NELL1: variants seen among roughly 807,000 people sequenced by gnomAD.
The protein encoded by NELL1 is neural EGFL like 1.
A neutral mutation model predicts 107.4 loss-of-function variants in NELL1; 76 were observed. The observed-to-expected ratio is 0.71, with a 90% CI of 0.59 to 0.86. The LOEUF (loss-of-function observed/expected upper bound fraction) is 0.86, where lower values mean the gene tolerates loss of function less well. Ranked by LOEUF, NELL1 falls within the 40% of genes least tolerant of loss-of-function variation. NELL1 has a pLI of 0.00. For synonymous variants in NELL1, 353 were observed against 341.2 expected (o/e 1.03, Z -0.38); for missense variants, 1,024 against 1,005.5 (o/e 1.02, Z -0.25).
intron 12 of NELL1, among the ~76,000 whole-genome samples, chr11:21,069,189 G>A (rs1479486499): frequency 6.6e-6 from 1 of 152,154 alleles, no homozygotes; most frequent in Non-Finnish European, 1.5e-5. Context: ...TTAATACCTT[G>A]GTGATGGGAT....
At chr11:20,844,508 C>T (rs1036449587) in intron 3 of NELL1, among the ~76,000 whole-genome samples, 3 of 152,170 alleles carry the variant, frequency 2.0e-5, no homozygotes, top group Non-Finnish European at 4.4e-5. Flanking sequence ...CCCAGAGACT[C>T]TTGAAAAGAC....
chr11:21,169,062 C>T (rs774688032), intron 13 of NELL1, among the ~76,000 whole-genome samples: 1 of 151,828 alleles, frequency 6.6e-6, no homozygotes, highest in African/African-American at 2.4e-5. Flanking sequence ...ATCAGAAACC[C>T]GGGATTGCCT....
rs564415818 is a variant in NELL1 at position 21,148,786 on chromosome 11, C to T, written c.1426+35072C>T. ...TGCCAAAATAGAAGACCTTGAGTTT[C>T]TGAGTTGTAGCAGAAAGGTTTTCTT... On this transcript the variant is annotated intron_variant, in intron 13 of 19. Transcript: ENST00000357134. Among the ~76,000 whole-genome samples the T allele has an allele frequency of 1.4e-4, 22 of 152,258 alleles. No individual in the cohort carries two copies. In the East Asian group the frequency reaches 3.1e-3, roughly 21 times the overall value.
intron 15 of NELL1, among the ~76,000 whole-genome samples, chr11:21,527,884 C>T (rs937167220): frequency 2.0e-5 from 3 of 152,192 alleles, no homozygotes; most frequent in Non-Finnish European, 4.4e-5. Context: ...TTTATCCTAG[C>T]TGCTCTGGAA....
chr11:21,170,502 T>A (rs1282240558), intron 13 of NELL1, among the ~76,000 whole-genome samples: 1 of 151,790 alleles, frequency 6.6e-6, no homozygotes, highest in African/African-American at 2.4e-5. Flanking sequence ...CCAAAAAAAT[T>A]TAAGCATGTT....
chr11:20,736,416 C>T (rs1381295991), intron 2 of NELL1, among the ~76,000 whole-genome samples: 1 of 152,030 alleles, frequency 6.6e-6, no homozygotes, highest in East Asian at 1.9e-4. Flanking sequence ...GCCTACGCTG[C>T]CCTCACTGGG....
intron 13 of NELL1, among the ~76,000 whole-genome samples, chr11:21,220,024 A>T (rs1857714052): frequency 6.6e-6 from 1 of 152,162 alleles, no homozygotes; most frequent in Non-Finnish European, 1.5e-5. Flanking sequence ...ACCAGATGTC[A>T]TGAGAACTCA....
At chr11:21,282,433 T>G (rs1249365588) in intron 14 of NELL1, among the ~76,000 whole-genome samples, 2 of 133,538 alleles carry the variant, frequency 1.5e-5, no homozygotes, top group Admixed American at 1.7e-4. Flanking sequence ...TGAGCTGACA[T>G]CATACCATGC....
chr11:20,726,168 C>A lies in NELL1; in HGVS notation c.184+48108C>A, dbSNP rs368568017. Among the ~76,000 whole-genome samples the A allele has an allele frequency of 3.9e-5, 6 of 152,154 alleles. No individual in the cohort carries two copies. The East Asian group carries it at 9.6e-4, about 24-fold the overall frequency. ...CCACTGATGGGCACCTAGGTTTAGT[C>A]CATGTCTTTGCCATTGGGAATAGCA... On this transcript the variant is annotated intron_variant, in intron 2 of 19. Transcript: ENST00000357134.
rs1253546385 is a variant in NELL1 at position 20,789,556 on chromosome 11, C to G, written c.335+5726C>G. Among the ~76,000 whole-genome samples, 4 of 152,226 alleles carry G rather than the reference C, an allele frequency of 2.6e-5. No homozygotes were observed. The East Asian group carries it at 5.8e-4, about 22-fold the overall frequency. Reference sequence around the variant, plus strand: ...CTCTTCTCTTCTCTCCTCTTTGCCCCCAATGTGGCAAGCAAGGAGAATGTT... The same window carrying G: ...CTCTTCTCTTCTCTCCTCTTTGCCCGCAATGTGGCAAGCAAGGAGAATGTT... On this transcript the variant is annotated intron_variant, in intron 3 of 19. Transcript: ENST00000357134.
chr11:21,522,615 A>C (rs767901852), intron 15 of NELL1, among the ~76,000 whole-genome samples: 26 of 152,050 alleles, frequency 1.7e-4, no homozygotes, highest in Non-Finnish European at 3.4e-4. Flanking sequence ...AACTGGGTAC[A>C]TGTACATCCC....
At position 20,938,936 on chromosome 11, in the gene NELL1, CTCTCTG is replaced by C. The variant is rs796673970; in HGVS notation, c.1071+1079_1071+1084del. On this transcript the variant is annotated intron_variant, in intron 10 of 19. Transcript: ENST00000357134. ...TCTCTCTCTCTCTCTCTCTCTCTCT[CTCTCTG>C]TGTGTGTGTGTGTGTGTGTGTGCAT... Among the ~76,000 whole-genome samples the C allele has an allele frequency of 0.012, 492 of 42,374 alleles. 1 individual carries two copies. In the East Asian group the frequency reaches 0.12, roughly 11 times the overall value. 27.8% of individuals were successfully genotyped at this position (42,374 alleles called of 152,430 possible).
chr11:20,875,671 A>G (rs910341624), intron 4 of NELL1, among the ~76,000 whole-genome samples: 2 of 152,354 alleles, frequency 1.3e-5, no homozygotes, highest in Middle Eastern at 6.8e-3. Context: ...ACAGTCTTAT[A>G]TGATCTGGTT....
At chr11:21,287,952 C>T (rs556997576) in intron 14 of NELL1, among the ~76,000 whole-genome samples, 2 of 150,316 alleles carry the variant, frequency 1.3e-5, no homozygotes, top group African/African-American at 2.5e-5. Flanking sequence ...GGGACAGGCT[C>T]TTAGTTCATA....
intron 15 of NELL1, among the ~76,000 whole-genome samples, chr11:21,387,112 G>A (rs930199925): frequency 4.5e-4 from 69 of 151,798 alleles, no homozygotes; most frequent in Admixed American, 2.0e-4. Context: ...TGCACCTAGT[G>A]TTCTCTCTTT....
intron 5 of NELL1, among the ~76,000 whole-genome samples, chr11:20,895,868 G>A (rs1012480312): frequency 2.0e-4 from 30 of 152,036 alleles, no homozygotes; most frequent in African/African-American, 7.0e-4. Context: ...AGTTCCATCC[G>A]TGTTGCTGCA....
At chr11:20,986,032 A>G (rs1851846274) in intron 12 of NELL1, among the ~76,000 whole-genome samples, 1 of 152,174 alleles carries the variant, frequency 6.6e-6, no homozygotes, top group South Asian at 2.1e-4. Flanking sequence ...TTGGCATGCT[A>G]TGAGCTACAC....
chr11:21,152,506 G>A (rs1399784684), intron 13 of NELL1, among the ~76,000 whole-genome samples: 1 of 152,138 alleles, frequency 6.6e-6, no homozygotes, highest in Non-Finnish European at 1.5e-5. Context: ...TGTCAAAAAG[G>A]TTTTGCGGGT....
At chr11:21,487,186 C>T (rs1249986729) in intron 15 of NELL1, among the ~76,000 whole-genome samples, 3 of 151,876 alleles carry the variant, frequency 2.0e-5, no homozygotes, top group Non-Finnish European at 4.4e-5. Context: ...TGTCTAAAGC[C>T]AAAGAAAAAG....
Sources: allele counts gnomAD v4.1 joint callset (sites outside exome capture counted in the v4.1 genomes callset), GRCh38; gene constraint gnomAD v4.1.1; transcripts MANE v1.5; gene names NCBI Gene and HGNC (gene_info 2026-07-23, HGNC 2026-07-21).